The following KCNJ6 variants were observed in gnomAD, a reference collection of about 807,000 sequenced individuals.
KCNJ6 encodes potassium inwardly rectifying channel subfamily J member 6.
Under a neutral mutation model 34.2 loss-of-function variants are expected in KCNJ6, and 9 were observed. The observed-to-expected ratio is 0.26, with a 90% confidence interval of 0.16 to 0.46. The LOEUF (loss-of-function observed/expected upper bound fraction) is 0.46. Among genes scored for constraint, KCNJ6 ranks in the 20% least tolerant of loss-of-function variants. The pLI, the probability that KCNJ6 is intolerant of heterozygous loss-of-function variation, is 1.00. For synonymous variants in KCNJ6, 196 were observed against 207.1 expected, an observed-to-expected ratio of 0.95 and a Z score of 0.46; for missense variants, 236 against 531.3, an observed-to-expected ratio of 0.44 and a Z score of 5.46.
At chr21:37,814,125 T>C (rs1211206011) in intron 2 of KCNJ6, among the ~76,000 whole-genome samples, 3 of 152,186 alleles carry the variant, frequency 2.0e-5, no homozygotes, top group Non-Finnish European at 4.4e-5. Context: ...CAAAAGGAGA[T>C]ATACAAATGT....
At chr21:37,711,849 T>C (rs1443829135) in intron 3 of KCNJ6, among the ~76,000 whole-genome samples, 1 of 147,918 alleles carries the variant, frequency 6.8e-6, no homozygotes, top group Non-Finnish European at 1.5e-5. Context: ...AGAAAATGAG[T>C]AGCAGTTGCC....
In KCNJ6 at chr21:37,832,247, T is replaced by C. The variant is rs151276383; in HGVS notation, c.25+8411A>G. ...AACCTGAGATAAGGATCTTAGTATT[T>C]AAAGTGCCTAAATTTCATTGGTAGG... On this transcript the variant is annotated intron_variant, in intron 2 of 3. Coordinates refer to ENST00000609713, the MANE Select transcript of KCNJ6 (RefSeq NM_002240.5). 2.3e-3 allele frequency among the ~76,000 whole-genome samples: 356 copies of C among 151,928 alleles called. 2 individuals carry two copies. Among genetic ancestry groups the C allele is most frequent in the African/African-American group, 8.3e-3 (341 of 41,318 alleles).
At chr21:37,649,692 C>T (rs1195119255) in intron 3 of KCNJ6, among the ~76,000 whole-genome samples, 1 of 152,212 alleles carries the variant, frequency 6.6e-6, no homozygotes, top group Non-Finnish European at 1.5e-5. Context: ...AATGAATGTT[C>T]CTTTTGATAC....
intron 3 of KCNJ6, among the ~76,000 whole-genome samples, chr21:37,698,643 T>G (rs114975331): frequency 0.027 from 4,115 of 152,044 alleles, 188 homozygotes; most frequent in African/African-American, 0.093. Flanking sequence ...CTGATCCTCC[T>G]GCCCCAGCCT....
intron 2 of KCNJ6, among the ~76,000 whole-genome samples, chr21:37,739,346 C>G (rs2054928360): frequency 6.6e-6 from 1 of 152,120 alleles, no homozygotes. Context: ...CTGAGGAACG[C>G]CAGCTCTTAG....
At chr21:37,788,902 G>C (rs1160369292) in intron 2 of KCNJ6, among the ~76,000 whole-genome samples, 1 of 152,192 alleles carries the variant, frequency 6.6e-6, no homozygotes, top group Non-Finnish European at 1.5e-5. Flanking sequence ...GTAACTAACA[G>C]TACCTAAGAG....
chr21:37,826,449 T>C (rs1280246113), intron 2 of KCNJ6, among the ~76,000 whole-genome samples: 1 of 152,160 alleles, frequency 6.6e-6, no homozygotes, highest in Non-Finnish European at 1.5e-5. Flanking sequence ...TGGAATCTCA[T>C]CATCTATTTC....
Position 37,781,039 on chromosome 21 carries a change from G to A in KCNJ6, c.25+59619C>T, listed in dbSNP as rs1237386352. Among the ~76,000 whole-genome samples, 3 of 152,194 alleles carry A rather than the reference G, an allele frequency of 2.0e-5. No homozygotes were observed. The East Asian group carries it at 5.8e-4, about 29-fold the overall frequency. ...TAGGGGAATGGAAAAGACAAGTTGG[G>A]ACTGGCTGAGGCCTGGCTCCTTCCT... On this transcript the variant is annotated intron_variant, in intron 2 of 3. Coordinates refer to ENST00000609713, the MANE Select transcript of KCNJ6 (RefSeq NM_002240.5).
intron 3 of KCNJ6, among the ~76,000 whole-genome samples, chr21:37,712,467 C>T (rs1397203002): frequency 2.0e-5 from 2 of 101,770 alleles, no homozygotes; most frequent in African/African-American, 5.6e-5. Flanking sequence ...CCCTCCTCCT[C>T]TCTCCCTCCT....
At chr21:37,676,240 G>GGT (rs898470427) in intron 3 of KCNJ6, among the ~76,000 whole-genome samples, 1 of 152,202 alleles carries the variant, frequency 6.6e-6, no homozygotes, top group African/African-American at 2.4e-5. Flanking sequence ...GGAGAGGAAG[G>GGT]GTACAGGGGT....
chr21:37,715,322 C>T (rs192471620), intron 2 of KCNJ6, among the ~76,000 whole-genome samples, 191 bp from the exon 3 acceptor site: 336 of 152,322 alleles, frequency 2.2e-3, no homozygotes, highest in African/African-American at 7.7e-3. Flanking sequence ...CTGTGCTCTT[C>T]GATCTAGTTT....
At chr21:37,848,854 T>C (rs985769361) in intron 1 of KCNJ6, among the ~76,000 whole-genome samples, 3 of 152,112 alleles carry the variant, frequency 2.0e-5, no homozygotes, top group African/African-American at 7.2e-5. Context: ...CCCAGCTGTG[T>C]GTGTGTCCTC....
At chr21:37,912,039 T>A (rs1230998433) in intron 1 of KCNJ6, among the ~76,000 whole-genome samples, 1 of 152,154 alleles carries the variant, frequency 6.6e-6, no homozygotes, top group Admixed American at 6.5e-5. Context: ...TTCATGTAAG[T>A]CCTATGTATT....
intron 2 of KCNJ6, among the ~76,000 whole-genome samples, chr21:37,763,088 T>A (rs895671858): frequency 6.6e-6 from 1 of 151,946 alleles, no homozygotes; most frequent in East Asian, 1.9e-4. Context: ...ACCCACTGAT[T>A]TGGGCATCTG....
chr21:37,639,754 G>T lies in KCNJ6; in HGVS notation c.947-14270C>A, dbSNP rs555338760. 2.3e-3 allele frequency among the ~76,000 whole-genome samples: 351 copies of T among 152,324 alleles called. 1 individual carries two copies. The highest frequency in any genetic ancestry group is 4.0e-3 in the Non-Finnish European group (272 of 68,038). ...AACTGTAATCCTCAATGTTGGAGGTGGCCTGGTGGAAGACGACTGGATCAT... is the reference window on the plus strand; with the variant it reads ...AACTGTAATCCTCAATGTTGGAGGTTGCCTGGTGGAAGACGACTGGATCAT... On this transcript the variant is annotated intron_variant, in intron 3 of 3. Coordinates refer to ENST00000609713, the MANE Select transcript of KCNJ6 (RefSeq NM_002240.5).
intron 1 of KCNJ6, among the ~76,000 whole-genome samples, chr21:37,911,248 T>A (rs1375697793): frequency 6.6e-6 from 1 of 152,180 alleles, no homozygotes; most frequent in Non-Finnish European, 1.5e-5. Context: ...CAAAATGTAT[T>A]TTTATCCTAA....
At chr21:37,878,123 G>A (rs2055688178) in intron 1 of KCNJ6, among the ~76,000 whole-genome samples, 1 of 152,178 alleles carries the variant, frequency 6.6e-6, no homozygotes, top group African/African-American at 2.4e-5. Flanking sequence ...TAAGCACTGA[G>A]CTTTGAACAA....
At chr21:37,634,185 G>A (rs1342413908) in intron 3 of KCNJ6, among the ~76,000 whole-genome samples, 1 of 152,202 alleles carries the variant, frequency 6.6e-6, no homozygotes, top group Non-Finnish European at 1.5e-5. Context: ...GGGCCTGATG[G>A]AAGGTGTTTG....
At chr21:37,784,470 A>G (rs774515659) in intron 2 of KCNJ6, among the ~76,000 whole-genome samples, 17 of 152,186 alleles carry the variant, frequency 1.1e-4, no homozygotes, top group Admixed American at 5.9e-4. Context: ...GTTCATGTCC[A>G]CCTAGAACCT....
Sources: allele counts gnomAD v4.1 joint callset (sites outside exome capture counted in the v4.1 genomes callset), GRCh38; gene constraint gnomAD v4.1.1; transcripts MANE v1.5; gene names NCBI Gene and HGNC (gene_info 2026-07-23, HGNC 2026-07-21).